ENPP6: variants seen among roughly 807,000 people sequenced by gnomAD.
ENPP6 encodes the protein ectonucleotide pyrophosphatase/phosphodiesterase 6.
Under a neutral mutation model 42.0 loss-of-function variants are expected in ENPP6, and 32 were observed. That is an observed-to-expected ratio of 0.76 (90% CI 0.58 to 1.02). The LOEUF (loss-of-function observed/expected upper bound fraction) is 1.02. Ranked by LOEUF, ENPP6 falls within the 50% of genes least tolerant of loss-of-function variation. ENPP6 has a pLI of 0.00. For synonymous variants in ENPP6, 213 were observed against 216.0 expected, an observed-to-expected ratio of 0.99 and a Z score of 0.12; for missense variants, 552 against 566.8, an observed-to-expected ratio of 0.97 and a Z score of 0.27.
chr4:184,113,955 C>CTTTCTT (rs1446243343), intron 5 of ENPP6, among the ~76,000 whole-genome samples: 1 of 129,294 alleles, frequency 7.7e-6, no homozygotes, highest in Non-Finnish European at 1.7e-5. Flanking sequence ...TTCTTTCTTT[C>CTTTCTT]TTTCTTTCTC....
chr4:184,115,512 T>C (rs183009146), intron 5 of ENPP6, among the ~76,000 whole-genome samples: 1 of 152,162 alleles, frequency 6.6e-6, no homozygotes, highest in East Asian at 1.9e-4. Context: ...GGAGCAGAGC[T>C]TTGTCCCCCA....
chr4:184,131,188 T>TCTTTCTTTCTTTCTTTCTTC lies in ENPP6; in HGVS notation c.422-6917_422-6916insGAAGAAAGAAAGAAAGAAAG, dbSNP rs1560987218. Among the ~76,000 whole-genome samples the TCTTTCTTTCTTTCTTTCTTC allele has an allele frequency of 1.1e-4, 7 of 63,870 alleles. 1 individual carries two copies. Among genetic ancestry groups the TCTTTCTTTCTTTCTTTCTTC allele is most frequent in the African/African-American group, 4.8e-4 (7 of 14,542 alleles). The allele number at this position is 63,870 out of a possible 152,430, so 41.9% of individuals were successfully genotyped here. ...TTCTTTCTTTCTTTCTTTCTTTCTT[T>TCTTTCTTTCTTTCTTTCTTC]CTTTCTTTCTTTCTTCTTTCTTTCT... On this transcript the variant is annotated intron_variant, in intron 2 of 7. Transcript: ENST00000296741.
chr4:184,175,249 C>A (rs1212451141), intron 1 of ENPP6, among the ~76,000 whole-genome samples: 2 of 152,160 alleles, frequency 1.3e-5, no homozygotes, highest in Non-Finnish European at 2.9e-5. Flanking sequence ...AGTTTCCCAA[C>A]CAGCAAGCCC....
chr4:184,131,189 C>A (rs1275149353), intron 2 of ENPP6, among the ~76,000 whole-genome samples: 1 of 66,580 alleles, frequency 1.5e-5, no homozygotes, highest in Non-Finnish European at 3.1e-5. Flanking sequence ...TTCTTTCTTT[C>A]TTTCTTTCTT....
chr4:184,138,340 C>A (rs1034026542), intron 2 of ENPP6, among the ~76,000 whole-genome samples: 2 of 152,204 alleles, frequency 1.3e-5, no homozygotes, highest in Non-Finnish European at 2.9e-5. Context: ...ACACAGTGAT[C>A]TATCATCATG....
intron 7 of ENPP6, 25 bp from the exon 8 acceptor site, chr4:184,091,407 A>G (rs1247757332): frequency 3.8e-6 from 6 of 1,585,780 alleles, no homozygotes; most frequent in Non-Finnish European, 5.2e-6. Flanking sequence ...CAAACAAACA[A>G]GTTGTCATGG....
intron 1 of ENPP6, among the ~76,000 whole-genome samples, chr4:184,215,430 A>G (rs1256227249): frequency 6.6e-6 from 1 of 152,182 alleles, no homozygotes; most frequent in East Asian, 1.9e-4. Flanking sequence ...CATCAGGTGG[A>G]AAAATAAGTA....
intron 6 of ENPP6, among the ~76,000 whole-genome samples, chr4:184,111,601 G>A (rs576752156): frequency 1.9e-4 from 29 of 152,362 alleles, no homozygotes; most frequent in African/African-American, 6.5e-4. Context: ...AGAAGCCATA[G>A]CTGCCTGAGA....
rs60164895 is a variant in ENPP6 at position 184,134,131 on chromosome 4, G to GATTTATTTATTTATTTATTTATTT, written c.422-9883_422-9860dup. Among the ~76,000 whole-genome samples the GATTTATTTATTTATTTATTTATTT allele has an allele frequency of 1.5e-3, 220 of 147,294 alleles. 1 individual carries two copies. The South Asian group carries it at 0.015, about 10-fold the overall frequency. On this transcript the variant is annotated intron_variant, in intron 2 of 7. Transcript: ENST00000296741. ...ATTACACTAACCTCATTATGGAAGT[G>GATTTATTTATTTATTTATTTATTT]ATTTATTTATTTATTTATTTATTTA...
At chr4:184,109,454 AG>A (rs1476707392) in intron 6 of ENPP6, among the ~76,000 whole-genome samples, 2 of 151,788 alleles carry the variant, frequency 1.3e-5, no homozygotes, top group African/African-American at 4.8e-5. Flanking sequence ...GCTTTGGGGG[AG>A]GGGTCATTCT....
chr4:184,096,649 C>G (rs148498961), intron 7 of ENPP6, among the ~76,000 whole-genome samples: 14 of 152,276 alleles, frequency 9.2e-5, no homozygotes, highest in African/African-American at 2.9e-4. Flanking sequence ...TCCTCCAGCC[C>G]TAGGAATTAA....
At chr4:184,097,813 G>A (rs1471527641) in intron 6 of ENPP6, among the ~76,000 whole-genome samples, 1 of 152,194 alleles carries the variant, frequency 6.6e-6, no homozygotes. Context: ...TCCCACACCT[G>A]AGTTAATGCT....
chr4:184,176,633 C>T (rs1482620146), intron 1 of ENPP6, among the ~76,000 whole-genome samples: 1 of 152,196 alleles, frequency 6.6e-6, no homozygotes, highest in Admixed American at 6.5e-5. Flanking sequence ...CACCGAGCTA[C>T]GTTGGCTCCT....
intron 7 of ENPP6, among the ~76,000 whole-genome samples, chr4:184,092,279 C>T (rs1295895932): frequency 6.6e-6 from 1 of 152,106 alleles, no homozygotes; most frequent in Non-Finnish European, 1.5e-5. Context: ...TTCCTAAATA[C>T]ATTTGGAAGA....
At chr4:184,114,650 C>G (rs1736284153) in intron 5 of ENPP6, among the ~76,000 whole-genome samples, 2 of 152,110 alleles carry the variant, frequency 1.3e-5, no homozygotes, top group Non-Finnish European at 2.9e-5. Context: ...GCCTGCAATG[C>G]CTGACTTGAA....
chr4:184,190,266 T>C (rs530392737), intron 1 of ENPP6, among the ~76,000 whole-genome samples: 48 of 152,324 alleles, frequency 3.2e-4, no homozygotes, highest in African/African-American at 1.1e-3. Context: ...AGGTAAACCA[T>C]AGAGTTTAAG....
chr4:184,093,640 A>AAATAATAAT (rs370411138), intron 7 of ENPP6, among the ~76,000 whole-genome samples: 16,947 of 132,168 alleles, frequency 0.13, 1,228 homozygotes, highest in African/African-American at 0.14. Flanking sequence ...CTCTGTCTCA[A>AAATAATAAT]AATAATAATA....
intron 6 of ENPP6, among the ~76,000 whole-genome samples, chr4:184,108,637 C>CT (rs1736143750): frequency 1.3e-5 from 2 of 152,146 alleles, no homozygotes; most frequent in African/African-American, 4.8e-5. Flanking sequence ...GAAATTATAG[C>CT]TTTTACATAT....
intron 1 of ENPP6, among the ~76,000 whole-genome samples, chr4:184,209,106 C>CA (rs1363664355): frequency 6.7e-6 from 1 of 150,320 alleles, no homozygotes; most frequent in African/African-American, 2.5e-5. Flanking sequence ...CATCAAAGAC[C>CA]AAAAGTAGAT....
Sources: gnomAD v4.1 joint callset for allele counts (sites outside exome capture counted in the v4.1 genomes callset) on GRCh38, gnomAD v4.1.1 for gene constraint, MANE v1.5 for transcripts, NCBI Gene and HGNC (gene_info 2026-07-23, HGNC 2026-07-21) for gene names.